Variants in RGS22 observed in about 807,000 individuals in gnomAD.
The protein encoded by RGS22 is regulator of G-protein signaling 22.
In RGS22, 148 loss-of-function variants were observed where a neutral mutation model predicts 172.9. The ratio of observed to expected loss-of-function variants is 0.86; its 90% CI spans 0.75 to 0.98. The LOEUF (loss-of-function observed/expected upper bound fraction) is 0.98. RGS22 is among the 50% of genes least tolerant of loss of function. RGS22 has a pLI of 0.00. For missense variants in RGS22, 1,347 were observed against 1,440.8 expected (o/e 0.93, Z 1.05); for synonymous variants, 458 against 480.2 (o/e 0.95, Z 0.60).
At chr8:99,981,819 C>G in intron 22 of RGS22, 118 bp downstream of exon 22, 1 of 817,782 alleles carries the variant, frequency 1.2e-6, no homozygotes, top group Non-Finnish European at 1.8e-6. Flanking sequence ...GCCTCAGCCT[C>G]CCAAAGTGCT....
chr8:100,080,486 C>G, intron 3 of RGS22, 131 bp from the exon 4 acceptor site: 2 of 685,522 alleles, frequency 2.9e-6, no homozygotes, highest in Non-Finnish European at 2.4e-6. Flanking sequence ...TTCCCTCTTC[C>G]TTTTTAGGAG....
intron 14 of RGS22, among the ~76,000 whole-genome samples, chr8:100,010,795 A>G (rs1354940628): frequency 1.3e-5 from 2 of 151,738 alleles, no homozygotes; most frequent in African/African-American, 4.8e-5. Flanking sequence ...AACTCTTCAG[A>G]GAGAAGATAA....
chr8:100,066,117 C>T (rs1203850421), intron 7 of RGS22, 50 bp downstream of exon 7: 2 of 1,574,308 alleles, frequency 1.3e-6, no homozygotes, highest in African/African-American at 1.4e-5. Flanking sequence ...AACAAACAAA[C>T]AAAAACTTAA....
chr8:100,057,028 A>T (rs916407885), intron 9 of RGS22, among the ~76,000 whole-genome samples: 1 of 152,262 alleles, frequency 6.6e-6, no homozygotes, highest in African/African-American at 2.4e-5. Context: ...CCACAGGGGC[A>T]GAGCTGCCCA....
intron 3 of RGS22, among the ~76,000 whole-genome samples, chr8:100,086,040 C>T (rs1400132459): frequency 6.6e-6 from 1 of 151,946 alleles, no homozygotes; most frequent in Non-Finnish European, 1.5e-5. Context: ...AAGTGGGCTG[C>T]TAGAGCTGAA....
chr8:99,965,335 C>A lies in RGS22; in HGVS notation c.3615G>T (p.Gln1205His). Reference sequence around the variant, plus strand: ...GGTCTGCACCATCTTGCATGCTTACCTGTCGGCCATATGGTTGGAGGCCTA... The same window carrying A: ...GGTCTGCACCATCTTGCATGCTTACATGTCGGCCATATGGTTGGAGGCCTA... ...SFLGLQPYGR[Q>H]PTWCYSKYIE... Residue 1205 changes from glutamine to histidine, a missense_variant and splice_region_variant, in exon 24 of 28, where the codon CAG becomes CAT. Coordinates refer to ENST00000360863, the MANE Select transcript of RGS22 (RefSeq NM_015668.5). 6.2e-7 allele frequency: 1 copy of A among 1,609,378 alleles called. No homozygotes were observed. Among genetic ancestry groups the A allele is most frequent in the Non-Finnish European group, 8.5e-7 (1 of 1,175,914 alleles).
chr8:100,028,626 A>G lies in RGS22; in HGVS notation c.2166+10305T>C, dbSNP rs3133689. 1.6e-3 allele frequency among the ~76,000 whole-genome samples: 238 copies of G among 152,316 alleles called. 4 individuals are homozygous for G. The East Asian group carries it at 0.027, about 17-fold the overall frequency. On this transcript the variant is annotated intron_variant, in intron 14 of 27. Coordinates refer to ENST00000360863, the MANE Select transcript of RGS22 (RefSeq NM_015668.5). ...ATTTCTCATCTTGGAAATGATTACA[A>G]AATGTGCCTACCAGAAACAGCATAG...
intron 6 of RGS22, 125 bp downstream of exon 6, chr8:100,071,244 T>C (rs1810948286): frequency 1.3e-6 from 1 of 793,808 alleles, no homozygotes. Context: ...GCCATGATCA[T>C]ATCACTGCAC....
chr8:100,062,539 C>A, intron 9 of RGS22, 52 bp downstream of exon 9: 1 of 1,222,866 alleles, frequency 8.2e-7, no homozygotes. Flanking sequence ...AAGTATAACT[C>A]ATAACTGGCG....
Position 100,072,205 on chromosome 8 carries a change from T to G in RGS22, c.365A>C (p.Lys122Thr). The G allele has an allele frequency of 2.5e-6, 4 of 1,599,042 alleles. No homozygotes were observed. Among genetic ancestry groups the G allele is most frequent in the Non-Finnish European group, 3.4e-6 (4 of 1,174,270 alleles). Residue 122 changes from lysine to threonine, a missense_variant, in exon 5 of 28, where the codon AAG becomes ACG. Lys to Thr is a moderately conservative substitution (Grantham distance 78). Coordinates refer to ENST00000360863, the MANE Select transcript of RGS22 (RefSeq NM_015668.5). The part of the protein sequence containing the change: ...IMCLSREEGI[K>T]WIKKERLPAF... ...TGGAAGTCTTTCTTTTTTGATCCAC[T>G]TAATACCTTCTTCACGACTGAGACA... is the stretch of plus-strand genomic sequence containing the variant.
chr8:100,027,024 G>A (rs1391834136), intron 14 of RGS22, among the ~76,000 whole-genome samples: 1 of 152,142 alleles, frequency 6.6e-6, no homozygotes, highest in Non-Finnish European at 1.5e-5. Flanking sequence ...GAGTACAAGA[G>A]TTCAAGACAA....
intron 3 of RGS22, among the ~76,000 whole-genome samples, chr8:100,083,234 G>A (rs146515616): frequency 0.011 from 1,741 of 152,314 alleles, 14 homozygotes; most frequent in Middle Eastern, 0.024. Context: ...ACTCTGGGGA[G>A]ACTGGCTGTT....
chr8:100,051,370 G>A (rs1821258297), intron 10 of RGS22, among the ~76,000 whole-genome samples: 1 of 137,422 alleles, frequency 7.3e-6, no homozygotes, highest in Admixed American at 8.0e-5. Flanking sequence ...TTCAGAAGAT[G>A]AGTGACATGA....
At chr8:99,967,641 T>C (rs1810889711) in intron 23 of RGS22, among the ~76,000 whole-genome samples, 1 of 152,194 alleles carries the variant, frequency 6.6e-6, no homozygotes, top group Non-Finnish European at 1.5e-5. Flanking sequence ...TGGAACTCAC[T>C]GCAGTGCAGC....
intron 1 of RGS22, 58 bp from the exon 2 acceptor site, chr8:100,105,460 T>C: frequency 1.4e-6 from 2 of 1,435,412 alleles, no homozygotes; most frequent in Non-Finnish European, 2.0e-6. Context: ...TTTGAGTAAA[T>C]GAAATCATGG....
Position 100,025,193 on chromosome 8 carries a change from A to G in RGS22, c.2166+13738T>C, listed in dbSNP as rs570935489. 2.0e-5 allele frequency among the ~76,000 whole-genome samples: 3 copies of G among 152,298 alleles called. 1 individual carries two copies. In the South Asian group the frequency reaches 6.2e-4, roughly 32 times the overall value. ...TGCTGTGCTTGTTCTTCCTGAACCC[A>G]CTTTACTAGCAAACATGACAAAATG... On this transcript the variant is annotated intron_variant, in intron 14 of 27. Transcript: ENST00000360863.
At chr8:100,033,989 C>A (rs936214805) in intron 14 of RGS22, among the ~76,000 whole-genome samples, 5 of 152,156 alleles carry the variant, frequency 3.3e-5, no homozygotes, top group African/African-American at 4.8e-5. Flanking sequence ...CTATTTATGA[C>A]AAACCCACAG....
At position 100,038,810 on chromosome 8, in the gene RGS22, CA is replaced by C. The variant is rs1423241551; in HGVS notation, c.2166+120del. The C allele has an allele frequency of 8.5e-6, 4 of 468,954 alleles. No individual in the cohort carries two copies. The East Asian group carries it at 1.3e-4, about 16-fold the overall frequency. 29.0% of individuals were successfully genotyped at this position (468,954 alleles called of 1,614,324 possible). On this transcript the variant is annotated intron_variant, in intron 14 of 27. Coordinates refer to ENST00000360863, the MANE Select transcript of RGS22 (RefSeq NM_015668.5). ...GATTTCAAATACAGTAATCCCATGG[CA>C]ACAATTTAATTGCTGCCTTTTTGCC...
In RGS22 at chr8:99,962,705, A is replaced by G. The variant is rs1810336566; in HGVS notation, c.3772T>C (p.Ser1258Pro). ...AACTCACTCTGGCTGCTGTGGGCAG[A>G]CATATTCTTTTTCAAAGACATAGTT... ...SSTMSLKKNM[S>P]AHSSQK The change falls in exon 26 of 28, where the codon TCT (serine) becomes CCT (proline). Residue 1258 changes from serine to proline, a missense_variant. Ser to Pro is a moderately conservative substitution (Grantham distance 74). Coordinates refer to ENST00000360863, the MANE Select transcript of RGS22 (RefSeq NM_015668.5). 1.2e-6 allele frequency: 2 copies of G among 1,610,470 alleles called. No individual in the cohort carries two copies. The highest frequency in any genetic ancestry group is 2.7e-5 in the African/African-American group (2 of 74,612).
Sources: allele counts gnomAD v4.1 joint callset (sites outside exome capture counted in the v4.1 genomes callset), GRCh38; gene constraint gnomAD v4.1.1; transcripts MANE v1.5; gene names NCBI Gene and HGNC (gene_info 2026-07-23, HGNC 2026-07-21).